Variants in HOMER1 observed in about 807,000 individuals in gnomAD.
The protein encoded by HOMER1 is homer scaffold protein 1, also known as homer protein homolog 1.
HOMER1 carries 3 observed loss-of-function variants against 48.9 expected under a neutral mutation model. The ratio of observed to expected loss-of-function variants is 0.06; its 90% confidence interval spans 0.03 to 0.16. The LOEUF is 0.16. Among genes scored for constraint, HOMER1 ranks in the 10% least tolerant of loss-of-function variants. HOMER1 has a pLI of 1.00. For synonymous variants in HOMER1, 134 were observed against 146.4 expected, an observed-to-expected ratio of 0.92 and a Z score of 0.61; for missense variants, 247 against 411.4, an observed-to-expected ratio of 0.60 and a Z score of 3.46.
At chr5:79,395,318 T>A (rs901505515) in intron 8 of HOMER1, among the ~76,000 whole-genome samples, 1 of 152,220 alleles carries the variant, frequency 6.6e-6, no homozygotes, top group East Asian at 1.9e-4. Flanking sequence ...AAGTTCTACA[T>A]CAGGATTTCT....
In HOMER1 at chr5:79,374,511, C is replaced by G. The variant is rs1288114254; in HGVS notation, c.*1498G>C. The G allele has an allele frequency of 6.6e-6, 1 of 152,082 alleles. No individual in the cohort carries two copies. The highest frequency in any genetic ancestry group is 2.4e-5 in the African/African-American group (1 of 41,528). 9.4% of individuals were successfully genotyped at this position (152,082 alleles called of 1,614,324 possible). On this transcript the variant is annotated 3_prime_UTR_variant, in exon 9 of 9. Coordinates refer to ENST00000334082, the MANE Select transcript of HOMER1 (RefSeq NM_004272.5). ...AAATGGTTACAAATTGGTTAATTAG[C>G]TTAATTTTGTACTTAACAATTCGAT...
intron 5 of HOMER1, among the ~76,000 whole-genome samples, chr5:79,417,599 A>G (rs1308506165): frequency 2.0e-5 from 3 of 152,362 alleles, no homozygotes; most frequent in Non-Finnish European, 2.9e-5. Flanking sequence ...ATGAATATAC[A>G]TCTATCTCTT....
chr5:79,456,705 TGTTGCTAC>T lies in HOMER1; in HGVS notation c.162+149_162+156del, dbSNP rs1751186370. ...GGTTAGTCATTTAGTGGACAAAACA[TGTTGCTAC>T]CTTAATAATCCATTTTGTTTCTTAA... On this transcript the variant is annotated intron_variant, in intron 2 of 8. Transcript: ENST00000334082. Among the ~76,000 whole-genome samples the T allele has an allele frequency of 4.6e-5, 7 of 152,342 alleles. No individual in the cohort carries two copies. In the South Asian group the frequency reaches 1.5e-3, roughly 32 times the overall value.
Position 79,384,377 on chromosome 5 carries a change from T to G in HOMER1, c.877-8180A>C, listed in dbSNP as rs943543066. 1.3e-4 allele frequency among the ~76,000 whole-genome samples: 20 copies of G among 152,218 alleles called. No homozygotes were observed. In the East Asian group the frequency reaches 3.5e-3, roughly 26 times the overall value. ...GATTACGAGAGACTATTATGAGGTA[T>G]ACATGAACAAACTGGAAAACCTGGA... On this transcript the variant is annotated intron_variant, in intron 8 of 8. Coordinates refer to ENST00000334082, the MANE Select transcript of HOMER1 (RefSeq NM_004272.5).
intron 4 of HOMER1, among the ~76,000 whole-genome samples, chr5:79,446,605 T>C (rs1750889010): frequency 1.3e-5 from 2 of 152,058 alleles, no homozygotes; most frequent in South Asian, 2.1e-4. Context: ...AAAACCTTTT[T>C]CCACCAGTAC....
chr5:79,481,317 A>G (rs1195611712), intron 1 of HOMER1, among the ~76,000 whole-genome samples: 2 of 152,222 alleles, frequency 1.3e-5, no homozygotes. Flanking sequence ...TAGACAAAAT[A>G]TAAGAAACAA....
chr5:79,401,747 T>G, intron 6 of HOMER1, 152 bp downstream of exon 6: 1 of 727,658 alleles, frequency 1.4e-6, no homozygotes, highest in East Asian at 2.6e-5. Flanking sequence ...AATATTTTTC[T>G]TAATCAAACA....
intron 1 of HOMER1, among the ~76,000 whole-genome samples, chr5:79,488,080 G>A (rs1291394679): frequency 1.3e-5 from 2 of 152,200 alleles, no homozygotes; most frequent in Admixed American, 1.3e-4. Flanking sequence ...TTAGAAGTCT[G>A]TTTAAGCTCC....
intron 8 of HOMER1, among the ~76,000 whole-genome samples, chr5:79,377,131 A>G (rs928061900): frequency 6.6e-6 from 1 of 152,096 alleles, no homozygotes; most frequent in Non-Finnish European, 1.5e-5. Flanking sequence ...ACACCTGGCT[A>G]ATTTTTATAT....
intron 1 of HOMER1, among the ~76,000 whole-genome samples, chr5:79,466,481 G>A (rs1751467555): frequency 6.6e-6 from 1 of 150,648 alleles, no homozygotes; most frequent in Admixed American, 6.7e-5. Flanking sequence ...CTGGCCAACA[G>A]AGGAGACCCT....
rs1364975536 is a variant in HOMER1 at position 79,379,113 on chromosome 5, T to A, written c.877-2916A>T. On this transcript the variant is annotated intron_variant, in intron 8 of 8. Transcript: ENST00000334082. ...ATATATATATATATATATATATATA[T>A]AAAATATATAAATATTTATTTATAT... 1.3e-4 allele frequency among the ~76,000 whole-genome samples: 11 copies of A among 87,708 alleles called. No individual in the cohort carries two copies. The South Asian group carries it at 1.4e-3, about 11-fold the overall frequency. The allele number at this position is 87,708 out of a possible 152,430, so 57.5% of individuals were successfully genotyped here.
At chr5:79,477,480 C>A (rs1026695257) in intron 1 of HOMER1, among the ~76,000 whole-genome samples, 2 of 152,212 alleles carry the variant, frequency 1.3e-5, no homozygotes, top group African/African-American at 4.8e-5. Context: ...CTTCTGTTGG[C>A]TGGATATGAG....
At chr5:79,424,433 C>T (rs7714151) in intron 5 of HOMER1, among the ~76,000 whole-genome samples, 28,594 of 151,858 alleles carry the variant, frequency 0.19, 3,686 homozygotes, top group East Asian at 0.43. Context: ...GGATATGCAT[C>T]GATAAATCAA....
chr5:79,431,478 T>C (rs760936519), intron 5 of HOMER1, among the ~76,000 whole-genome samples: 3 of 152,056 alleles, frequency 2.0e-5, no homozygotes, highest in East Asian at 1.9e-4. Flanking sequence ...TGTGGGTGTA[T>C]AGGGAGAATG....
intron 4 of HOMER1, among the ~76,000 whole-genome samples, chr5:79,441,983 G>GTT (rs886968757): frequency 2.0e-5 from 3 of 149,578 alleles, no homozygotes; most frequent in African/African-American, 7.4e-5. Flanking sequence ...GTGTGTGTGT[G>GTT]TGTATACCCA....
chr5:79,414,091 A>C (rs751243557), intron 5 of HOMER1, among the ~76,000 whole-genome samples: 12 of 151,904 alleles, frequency 7.9e-5, no homozygotes, highest in Non-Finnish European at 1.6e-4. Context: ...TTTTTAAAAA[A>C]AAGTTTATTA....
intron 1 of HOMER1, among the ~76,000 whole-genome samples, chr5:79,500,965 C>CAG (rs1384417281): frequency 1.9e-3 from 115 of 59,216 alleles, no homozygotes; most frequent in African/African-American, 7.6e-3. Context: ...GACAGACAGA[C>CAG]ACACACACAC....
chr5:79,390,344 G>A (rs7708533), intron 8 of HOMER1, among the ~76,000 whole-genome samples: 11,079 of 151,936 alleles, frequency 0.073, 1,327 homozygotes, highest in African/African-American at 0.25. Flanking sequence ...GACAGTATAC[G>A]TTTAAATACG....
chr5:79,406,781 C>G (rs1028004930), intron 5 of HOMER1, among the ~76,000 whole-genome samples: 3 of 152,192 alleles, frequency 2.0e-5, no homozygotes, highest in Admixed American at 6.5e-5. Context: ...GGTCTCTAAC[C>G]TGTGGGACAG....
Sources: gnomAD v4.1 joint callset for allele counts (sites outside exome capture counted in the v4.1 genomes callset) on GRCh38, gnomAD v4.1.1 for gene constraint, MANE v1.5 for transcripts, NCBI Gene and HGNC (gene_info 2026-07-23, HGNC 2026-07-21) for gene names.